The following STAT5B variants were observed in gnomAD, a reference collection of about 807,000 sequenced individuals.
The protein encoded by STAT5B is transcription factor STAT5B.
Under a neutral mutation model 107.8 loss-of-function variants are expected in STAT5B, and 21 were observed. The ratio of observed to expected loss-of-function variants is 0.19; its 90% CI spans 0.14 to 0.28. The LOEUF is 0.28. Among genes scored for constraint, STAT5B ranks in the 10% least tolerant of loss-of-function variants. The probability of loss-of-function intolerance (pLI) is 1.00; values close to 1 mark genes in which losing one functional copy is unlikely to be tolerated. For missense variants in STAT5B, 565 were observed against 1,008.2 expected (o/e 0.56, Z 5.95); for synonymous variants, 325 against 401.7 (o/e 0.81, Z 2.28).
intron 1 of STAT5B, among the ~76,000 whole-genome samples, chr17:42,242,728 G>A (rs1038079173): frequency 2.0e-5 from 3 of 151,918 alleles, no homozygotes; most frequent in African/African-American, 7.3e-5. Flanking sequence ...AGCACTTTGG[G>A]AGGCCAAGCC....
intron 9 of STAT5B, chr17:42,217,872 T>C (rs906287840): frequency 8.5e-6 from 4 of 469,680 alleles, no homozygotes; most frequent in Admixed American, 6.9e-5. Flanking sequence ...GCCCGGCTAA[T>C]TTTTTGTATT....
At position 42,201,035 on chromosome 17, in the gene STAT5B, G is replaced by C. The variant is rs1357175669; in HGVS notation, c.*703C>G. On this transcript the variant is annotated 3_prime_UTR_variant, in exon 19 of 19. Coordinates refer to ENST00000293328, the MANE Select transcript of STAT5B (RefSeq NM_012448.4). ...GAACTGAGTGGCAATTCCAGGGTGC[G>C]GGCGGGCAGGAGGGGAGAGAGGACA... 5.0e-6 allele frequency: 2 copies of C among 401,670 alleles called. No homozygotes were observed. The highest frequency in any genetic ancestry group is 4.1e-5 in the African/African-American group (2 of 48,626). The allele number at this position is 401,670 out of a possible 1,614,324, so 24.9% of individuals were successfully genotyped here.
intron 1 of STAT5B, among the ~76,000 whole-genome samples, chr17:42,247,166 G>C (rs958472212): frequency 5.3e-5 from 8 of 152,148 alleles, no homozygotes; most frequent in African/African-American, 1.9e-4. Context: ...GTTTCTCTCT[G>C]TACTAATCTC....
intron 1 of STAT5B, among the ~76,000 whole-genome samples, chr17:42,245,367 C>T (rs1288148800): frequency 1.3e-5 from 2 of 148,890 alleles, no homozygotes; most frequent in South Asian, 2.1e-4. Context: ...TGAGCTACCG[C>T]GCCTGGCTGA....
Position 42,243,879 on chromosome 17 carries a change from G to A in STAT5B, c.-10-11742C>T, listed in dbSNP as rs116814082. ...TGCCATGGTGGCCCACAGTGTACAT[G>A]TGTTATCATTATCTCCATGTCCAAA... On this transcript the variant is annotated intron_variant, in intron 1 of 18. Coordinates refer to ENST00000293328, the MANE Select transcript of STAT5B (RefSeq NM_012448.4). 8.4e-3 allele frequency among the ~76,000 whole-genome samples: 1,271 copies of A among 150,662 alleles called. 20 individuals are homozygous for A. The highest frequency in any genetic ancestry group is 0.03 in the African/African-American group (1,213 of 40,726).
At chr17:42,285,682 T>C in the STAT5B span, among the ~76,000 whole-genome samples, 2 of 152,076 alleles carry the variant, frequency 1.3e-5, no homozygotes, top group African/African-American at 4.8e-5. Flanking sequence ...AAATTTGACA[T>C]TTCTGGGTAG....
chr17:42,218,039 A>G (rs2080188152), intron 9 of STAT5B, 112 bp downstream of exon 9: 2 of 1,525,740 alleles, frequency 1.3e-6, no homozygotes, highest in Admixed American at 2.0e-5. Flanking sequence ...GCTGATGCCC[A>G]GAAGAGGCCA....
rs57573850 is a variant in STAT5B, at chr17:42,201,524, G to GCACACA, written c.*208_*213dup. The GCACACA allele has an allele frequency of 3.6e-4, 221 of 617,396 alleles. No individual in the cohort carries two copies. The highest frequency in any genetic ancestry group is 2.5e-3 in the Middle Eastern group (6 of 2,378). The allele number at this position is 617,396 out of a possible 1,614,324, so 38.2% of individuals were successfully genotyped here. ...GAGAAACACCATAACGTGCAAACAC[G>GCACACA]CACACACACACACACACACACACAC... On this transcript the variant is annotated 3_prime_UTR_variant, in exon 19 of 19. Transcript: ENST00000293328.
rs774626385 is a variant in STAT5B at position 42,219,296 on chromosome 17, C to G, written c.833+16G>C. On this transcript the variant is annotated intron_variant, in intron 7 of 18. Transcript: ENST00000293328. Reference sequence around the variant, plus strand: ...AGCCCCTCCTGCCCTGCCCGCTGGCCGCCCCACACCATTACCAGGACTGTA... The same window carrying G: ...AGCCCCTCCTGCCCTGCCCGCTGGCGGCCCCACACCATTACCAGGACTGTA... The G allele has an allele frequency of 1.9e-6, 3 of 1,580,006 alleles. No individual in the cohort carries two copies. In the South Asian group the frequency reaches 3.4e-5, roughly 18 times the overall value.
At chr17:42,232,184 C>T (rs2080322926) in intron 1 of STAT5B, 47 bp from the exon 2 acceptor site, 4 of 1,599,962 alleles carry the variant, frequency 2.5e-6, no homozygotes, top group Non-Finnish European at 3.4e-6. Flanking sequence ...CTTTATTTTC[C>T]CCTTACATCC....
chr17:42,228,942 TAACAA>T (rs1193861399), intron 2 of STAT5B, among the ~76,000 whole-genome samples: 2 of 151,936 alleles, frequency 1.3e-5, no homozygotes, highest in Admixed American at 6.6e-5. Context: ...TACGAAAACA[TAACAA>T]AACAAAACAA....
chr17:42,262,942 A>ATATGTGTGTG lies in STAT5B; in HGVS notation c.-11+13305_-11+13306insCACACACATA, dbSNP rs1321227515. 9.2e-4 allele frequency among the ~76,000 whole-genome samples: 42 copies of ATATGTGTGTG among 45,406 alleles called. 1 individual carries two copies. Among genetic ancestry groups the ATATGTGTGTG allele is most frequent in the Non-Finnish European group, 1.6e-3 (40 of 24,990 alleles). The allele number at this position is 45,406 out of a possible 152,430, so 29.8% of individuals were successfully genotyped here. The stretch of plus-strand genomic sequence containing the variant: ...TGTGTGTATATATATATGTATATAT[A>ATATGTGTGTG]TGTGTGTGTGTGTGTGTGTGTGTGT... On this transcript the variant is annotated intron_variant, in intron 1 of 18. Coordinates refer to ENST00000293328, the MANE Select transcript of STAT5B (RefSeq NM_012448.4).
chr17:42,242,043 A>T (rs2080407987), intron 1 of STAT5B, among the ~76,000 whole-genome samples: 1 of 152,206 alleles, frequency 6.6e-6, no homozygotes, highest in African/African-American at 2.4e-5. Context: ...GGCAACATAG[A>T]GATGATAGTA....
chr17:42,206,133 G>A (rs2080083231), intron 16 of STAT5B, among the ~76,000 whole-genome samples: 9 of 151,974 alleles, frequency 5.9e-5, no homozygotes, highest in Admixed American at 5.9e-4. Context: ...GCATAGTCTC[G>A]GCTCACTGCA....
At chr17:42,243,685 T>G (rs1302160599) in intron 1 of STAT5B, among the ~76,000 whole-genome samples, 1 of 152,170 alleles carries the variant, frequency 6.6e-6, no homozygotes, top group African/African-American at 2.4e-5. Flanking sequence ...TGTACACTTT[T>G]TTCAAAATCA....
intron 1 of STAT5B, among the ~76,000 whole-genome samples, chr17:42,254,868 G>A (rs991439747): frequency 8.5e-5 from 13 of 152,146 alleles, no homozygotes; most frequent in Admixed American, 2.0e-4. Flanking sequence ...CTAGGCAGGC[G>A]GATCACGAGG....
At chr17:42,241,634 G>A (rs966298877) in intron 1 of STAT5B, among the ~76,000 whole-genome samples, 1 of 151,874 alleles carries the variant, frequency 6.6e-6, no homozygotes, top group South Asian at 2.1e-4. Context: ...GTAGAGGCAG[G>A]GTTTTACCAT....
intron 1 of STAT5B, among the ~76,000 whole-genome samples, chr17:42,244,016 C>T (rs2080428947): frequency 1.3e-5 from 2 of 151,524 alleles, no homozygotes; most frequent in East Asian, 1.9e-4. Context: ...ATCTGCATTA[C>T]GGAAAAATAA....
chr17:42,239,301 T>G (rs913279929), intron 1 of STAT5B, among the ~76,000 whole-genome samples: 1 of 148,308 alleles, frequency 6.7e-6, no homozygotes, highest in Admixed American at 6.7e-5. Flanking sequence ...TTCCTTCTAA[T>G]ATGTTGTTGA....
Sources: gnomAD v4.1 joint callset for allele counts (sites outside exome capture counted in the v4.1 genomes callset) on GRCh38, gnomAD v4.1.1 for gene constraint, MANE v1.5 for transcripts, NCBI Gene and HGNC (gene_info 2026-07-23, HGNC 2026-07-21) for gene names.